Variants in ZNF678 observed in about 807,000 individuals in gnomAD.
ZNF678 encodes hypothetical protein MGC42493.
A neutral mutation model predicts 3.0 loss-of-function variants in ZNF678; 5 were observed. The ratio of observed to expected loss-of-function variants is 1.69; its 90% CI spans 0.88 to 3.56. ZNF678 has a LOEUF of 3.56. ZNF678 is among the 30% of genes most tolerant of loss of function. ZNF678 has a pLI of 0.00. For synonymous variants in ZNF678, 218 were observed against 199.6 expected (o/e 1.09, Z -0.78); for missense variants, 593 against 605.0 (o/e 0.98, Z 0.21).
chr1:227,670,323 A>G (rs1033986460), intron 5 of ZNF678, among the ~76,000 whole-genome samples: 1 of 152,258 alleles, frequency 6.6e-6, no homozygotes, highest in African/African-American at 2.4e-5. Context: ...AGTATATATA[A>G]TTGTAATTTG....
chr1:227,655,970 G>C lies in ZNF678; in HGVS notation c.*142G>C. On this transcript the variant is annotated 3_prime_UTR_variant, in exon 4 of 4. Coordinates refer to ENST00000343776, the MANE Select transcript of ZNF678 (RefSeq NM_001367909.1). ...CTGAATGAAATTTATAAATATAAAA[G>C]ATTACAATATCTTTATTTCAAAGAT... 1 of 581,664 alleles carries C rather than the reference G, an allele frequency of 1.7e-6. No individual in the cohort carries two copies. The highest frequency in any genetic ancestry group is 2.7e-6 in the Non-Finnish European group (1 of 367,232). The allele number at this position is 581,664 out of a possible 1,614,324, so 36.0% of individuals were successfully genotyped here. A position where few individuals can be genotyped will look rare whatever the true frequency, so the allele number is the denominator to read the frequency against.
At chr1:227,594,678 A>C (rs1657514858) in intron 1 of ZNF678, among the ~76,000 whole-genome samples, 1 of 152,222 alleles carries the variant, frequency 6.6e-6, no homozygotes, top group Non-Finnish European at 1.5e-5. Flanking sequence ...TCTTGCACAT[A>C]AAGTGTTTTT....
At chr1:227,584,951 A>G in intron 1 of ZNF678, among the ~76,000 whole-genome samples, 1 of 152,232 alleles carries the variant, frequency 6.6e-6, no homozygotes, top group East Asian at 1.9e-4. Flanking sequence ...ATTTTACAAG[A>G]AAGTTTATAG....
chr1:227,610,771 C>G (rs548013275), intron 1 of ZNF678, among the ~76,000 whole-genome samples: 2 of 152,274 alleles, frequency 1.3e-5, no homozygotes, highest in South Asian at 4.1e-4. Flanking sequence ...CTAAGGTGAT[C>G]AACACCCTAT....
At position 227,601,341 on chromosome 1, in the gene ZNF678, A is replaced by G. The variant is rs148490207; in HGVS notation, c.-164+37617A>G. On this transcript the variant is annotated intron_variant, in intron 1 of 3. Coordinates refer to ENST00000343776, the MANE Select transcript of ZNF678 (RefSeq NM_001367909.1). ...TTCGGGCAGTATGACCATTTTAATAATACTGATTTTTTTAAATGCATGACC... is the reference window on the plus strand; with the variant it reads ...TTCGGGCAGTATGACCATTTTAATAGTACTGATTTTTTTAAATGCATGACC... Among the ~76,000 whole-genome samples the G allele has an allele frequency of 1.2e-3, 182 of 152,252 alleles. 2 individuals are homozygous for G. In the South Asian group the frequency reaches 0.028, roughly 23 times the overall value.
chr1:227,614,994 G>C (rs2102764262), intron 1 of ZNF678, among the ~76,000 whole-genome samples: 1 of 152,322 alleles, frequency 6.6e-6, no homozygotes, highest in Non-Finnish European at 1.5e-5. Flanking sequence ...GCAGCCTTCA[G>C]CACCAGAAGA....
intron 1 of ZNF678, among the ~76,000 whole-genome samples, chr1:227,576,145 C>T (rs1023886919): frequency 1.3e-5 from 2 of 152,100 alleles, no homozygotes; most frequent in African/African-American, 4.8e-5. Flanking sequence ...ATTCAGTTTG[C>T]CAGTATTTTG....
intron 1 of ZNF678, among the ~76,000 whole-genome samples, chr1:227,573,355 T>C (rs1034441848): frequency 6.6e-6 from 1 of 152,214 alleles, no homozygotes; most frequent in Admixed American, 6.5e-5. Flanking sequence ...TATTATTATA[T>C]TGGGAAGAGT....
chr1:227,582,136 A>G (rs1217603199), intron 1 of ZNF678, among the ~76,000 whole-genome samples: 1 of 151,890 alleles, frequency 6.6e-6, no homozygotes, highest in African/African-American at 2.4e-5. Flanking sequence ...AATACTCTAT[A>G]CATTCTGGAT....
chr1:227,567,641 G>C (rs1484983982), intron 1 of ZNF678, among the ~76,000 whole-genome samples: 2 of 151,642 alleles, frequency 1.3e-5, no homozygotes, highest in Non-Finnish European at 2.9e-5. Flanking sequence ...TCTAGACTTT[G>C]TCAAATAAAG....
chr1:227,600,969 C>T (rs941536384), intron 1 of ZNF678, among the ~76,000 whole-genome samples: 2 of 152,076 alleles, frequency 1.3e-5, no homozygotes, highest in African/African-American at 2.4e-5. Flanking sequence ...GAAGGGGTCC[C>T]GTTTCAATCT....
intron 1 of ZNF678, among the ~76,000 whole-genome samples, chr1:227,606,691 A>G (rs1217662487): frequency 1.3e-5 from 2 of 152,058 alleles, no homozygotes; most frequent in Non-Finnish European, 2.9e-5. Flanking sequence ...AACCTTGGAC[A>G]ATACCCAGCC....
intron 1 of ZNF678, among the ~76,000 whole-genome samples, chr1:227,605,849 T>A (rs528106296): frequency 6.6e-6 from 1 of 152,222 alleles, no homozygotes; most frequent in Non-Finnish European, 1.5e-5. Context: ...TAAGTGTACT[T>A]ATAAAACACA....
intron 1 of ZNF678, among the ~76,000 whole-genome samples, chr1:227,576,077 C>G (rs1656980840): frequency 6.6e-6 from 1 of 152,164 alleles, no homozygotes; most frequent in South Asian, 2.1e-4. Context: ...ACTAAACTTG[C>G]ATCCCGGGGA....
Position 227,587,407 on chromosome 1 carries a change from A to G in ZNF678, c.-164+23683A>G, listed in dbSNP as rs971613216. 8.5e-5 allele frequency among the ~76,000 whole-genome samples: 13 copies of G among 152,264 alleles called. No homozygotes were observed. In the East Asian group the frequency reaches 1.7e-3, roughly 20 times the overall value. ...CCGTTAAACCACTCCTGCTGTTCCAAGTTAGTCTGCCTTCTTTTCTGTACT... is the reference window on the plus strand; with the variant it reads ...CCGTTAAACCACTCCTGCTGTTCCAGGTTAGTCTGCCTTCTTTTCTGTACT... On this transcript the variant is annotated intron_variant, in intron 1 of 3. Coordinates refer to ENST00000343776, the MANE Select transcript of ZNF678 (RefSeq NM_001367909.1).
At chr1:227,564,351 G>C (rs1415279133) in intron 1 of ZNF678, among the ~76,000 whole-genome samples, 4 of 152,180 alleles carry the variant, frequency 2.6e-5, no homozygotes, top group Non-Finnish European at 5.9e-5. Context: ...ACTTAAGGCA[G>C]TCATTAACAA....
At chr1:227,608,017 G>T (rs1299504014) in intron 1 of ZNF678, among the ~76,000 whole-genome samples, 9 of 151,528 alleles carry the variant, frequency 5.9e-5, no homozygotes. Context: ...AACAATTATT[G>T]TGGTAACCAG....
rs149266721 is a variant in ZNF678 at position 227,648,702 on chromosome 1, C to T, written c.-37+2032C>T. Among the ~76,000 whole-genome samples, 13 of 152,122 alleles carry T rather than the reference C, an allele frequency of 8.5e-5. No individual in the cohort carries two copies. The East Asian group carries it at 2.5e-3, about 29-fold the overall frequency. On this transcript the variant is annotated intron_variant, in intron 2 of 3. Coordinates refer to ENST00000343776, the MANE Select transcript of ZNF678 (RefSeq NM_001367909.1). ...GGCATGGTGGCAGGTGCCTGTAATC[C>T]CAGCTACTCAGGAAGCAGAGGCGGG... is the stretch of plus-strand genomic sequence containing the variant.
downstream of ZNF678, among the ~76,000 whole-genome samples, chr1:227,662,852 C>T (rs558315026): frequency 6.6e-6 from 1 of 152,312 alleles, no homozygotes; most frequent in East Asian, 1.9e-4. Context: ...CACCAAGTTA[C>T]CCCTTTCTGC....
Sources: gnomAD v4.1 joint callset for allele counts (sites outside exome capture counted in the v4.1 genomes callset) on GRCh38, gnomAD v4.1.1 for gene constraint, MANE v1.5 for transcripts, NCBI Gene and HGNC (gene_info 2026-07-23, HGNC 2026-07-21) for gene names.